Variants in MARCHF1 observed in about 807,000 individuals in gnomAD.
MARCHF1 encodes membrane associated ring-CH-type finger 1, also known as E3 ubiquitin-protein ligase MARCHF1.
A neutral mutation model predicts 54.2 loss-of-function variants in MARCHF1; 40 were observed. That is an observed-to-expected ratio of 0.74 (90% CI 0.57 to 0.96). MARCHF1 has a LOEUF of 0.96. MARCHF1 is among the 40% of genes least tolerant of loss of function. MARCHF1 has a pLI of 0.00. For synonymous variants in MARCHF1, 236 were observed against 236.3 expected (o/e 1.00, Z 0.01); for missense variants, 586 against 656.5 (o/e 0.89, Z 1.17).
intron 4 of MARCHF1, among the ~76,000 whole-genome samples, chr4:163,721,808 T>G (rs1470953454): frequency 2.0e-5 from 3 of 152,160 alleles, no homozygotes; most frequent in Non-Finnish European, 4.4e-5. Context: ...TTTTCTAGTT[T>G]GCTTGCGTAG....
At chr4:163,734,666 G>A (rs946968415) in intron 4 of MARCHF1, among the ~76,000 whole-genome samples, 2 of 152,096 alleles carry the variant, frequency 1.3e-5, no homozygotes, top group African/African-American at 2.4e-5. Flanking sequence ...AATTGCCTGG[G>A]GATAAAAGCA....
chr4:163,632,621 T>A (rs1173105299), intron 5 of MARCHF1, among the ~76,000 whole-genome samples: 2 of 152,154 alleles, frequency 1.3e-5, no homozygotes, highest in South Asian at 4.1e-4. Context: ...CGCTGATTGT[T>A]AGCACAGCAG....
At chr4:163,703,461 T>C (rs1038033148) in intron 4 of MARCHF1, among the ~76,000 whole-genome samples, 2 of 152,268 alleles carry the variant, frequency 1.3e-5, no homozygotes, top group African/African-American at 2.4e-5. Context: ...CCCATTACTA[T>C]TGCAATGTCA....
chr4:164,033,530 A>G (rs980626821), intron 2 of MARCHF1, among the ~76,000 whole-genome samples: 8 of 152,210 alleles, frequency 5.3e-5, no homozygotes, highest in Non-Finnish European at 5.9e-5. Flanking sequence ...TATCCATCTG[A>G]CAAAGGTCTA....
chr4:164,190,395 A>C, intron 1 of MARCHF1: 1 of 493,210 alleles, frequency 2.0e-6, no homozygotes, highest in Non-Finnish European at 3.6e-6. Context: ...TTTCCTTAGA[A>C]AAAAAATGAG....
intron 4 of MARCHF1, among the ~76,000 whole-genome samples, chr4:163,751,904 A>G (rs945693317): frequency 6.6e-6 from 1 of 152,164 alleles, no homozygotes; most frequent in African/African-American, 2.4e-5. Context: ...GCCATCTTAA[A>G]GAAGAGAAAC....
intron 2 of MARCHF1, among the ~76,000 whole-genome samples, chr4:164,082,948 TCTCAAAC>T (rs1755128666): frequency 1.3e-5 from 2 of 152,154 alleles, no homozygotes; most frequent in Non-Finnish European, 2.9e-5. Flanking sequence ...GGATCTCAAA[TCTCAAAC>T]CCCTTCTCAC....
intron 3 of MARCHF1, among the ~76,000 whole-genome samples, chr4:163,905,467 A>G (rs952999074): frequency 2.6e-5 from 4 of 152,104 alleles, no homozygotes; most frequent in Admixed American, 2.6e-4. Flanking sequence ...GCTAACTTCA[A>G]TCTCAAGTTC....
chr4:164,058,907 G>T (rs1161951557), intron 2 of MARCHF1, among the ~76,000 whole-genome samples: 2 of 152,194 alleles, frequency 1.3e-5, no homozygotes, highest in African/African-American at 2.4e-5. Context: ...TGTATTCAGA[G>T]ATGTTGCCAA....
At chr4:163,771,502 C>A (rs1230698706) in intron 4 of MARCHF1, among the ~76,000 whole-genome samples, 1 of 152,168 alleles carries the variant, frequency 6.6e-6, no homozygotes, top group Admixed American at 6.5e-5. Flanking sequence ...ACAGATGACA[C>A]CATCTTTTTG....
intron 1 of MARCHF1, among the ~76,000 whole-genome samples, chr4:164,214,684 G>T (rs951244634): frequency 2.0e-4 from 30 of 152,140 alleles, no homozygotes; most frequent in African/African-American, 6.8e-4. Flanking sequence ...GTGGTCAAGG[G>T]TCTTTGGTAA....
At chr4:163,994,652 A>C (rs1753032260) in intron 2 of MARCHF1, among the ~76,000 whole-genome samples, 1 of 151,882 alleles carries the variant, frequency 6.6e-6, no homozygotes, top group Admixed American at 6.6e-5. Flanking sequence ...TCAGAGAATT[A>C]AAAACTAAAT....
chr4:163,966,386 A>G (rs1228499989), intron 3 of MARCHF1, among the ~76,000 whole-genome samples: 1 of 152,104 alleles, frequency 6.6e-6, no homozygotes, highest in Non-Finnish European at 1.5e-5. Context: ...ATGAAAACTG[A>G]GCATCCAATT....
chr4:163,798,423 C>T (rs1324893807), intron 4 of MARCHF1, among the ~76,000 whole-genome samples: 1 of 152,100 alleles, frequency 6.6e-6, no homozygotes, highest in African/African-American at 2.4e-5. Context: ...GAAGTCTTAG[C>T]AGAATAAGAC....
chr4:164,172,528 T>C (rs761690212), intron 1 of MARCHF1, among the ~76,000 whole-genome samples: 4 of 152,144 alleles, frequency 2.6e-5, no homozygotes, highest in Non-Finnish European at 5.9e-5. Context: ...GATGCACAAA[T>C]TCATTATCTT....
intron 1 of MARCHF1, among the ~76,000 whole-genome samples, chr4:164,284,292 T>C (rs1428260905): frequency 6.7e-6 from 1 of 149,820 alleles, no homozygotes; most frequent in Admixed American, 6.8e-5. Flanking sequence ...CAACTTGTTT[T>C]TAATGCAGTC....
intron 4 of MARCHF1, among the ~76,000 whole-genome samples, chr4:163,742,252 T>C (rs1343155177): frequency 6.6e-6 from 1 of 152,130 alleles, no homozygotes; most frequent in Non-Finnish European, 1.5e-5. Flanking sequence ...TCAGACTGAA[T>C]GATGTCAAAC....
At chr4:163,782,759 C>CAAAGGTGA (rs554056555) in intron 4 of MARCHF1, among the ~76,000 whole-genome samples, 124 of 150,350 alleles carry the variant, frequency 8.2e-4, no homozygotes, top group Non-Finnish European at 1.5e-3. Flanking sequence ...ATGGAGAGTA[C>CAAAGGTGA]AAAGGTGAGA....
intron 1 of MARCHF1, among the ~76,000 whole-genome samples, chr4:164,377,610 C>CACACACACAT (rs1243858196): frequency 2.0e-5 from 3 of 151,996 alleles, no homozygotes; most frequent in African/African-American, 7.2e-5. Context: ...CACACACACA[C>CACACACACAT]ACACATACAC....
Sources: allele counts gnomAD v4.1 joint callset (sites outside exome capture counted in the v4.1 genomes callset), GRCh38; gene constraint gnomAD v4.1.1; transcripts MANE v1.5; gene names NCBI Gene and HGNC (gene_info 2026-07-23, HGNC 2026-07-21).